The following POLR1E variants were observed in gnomAD, a reference collection of about 807,000 sequenced individuals.
POLR1E encodes RNA polymerase I subunit E, also known as DNA-directed RNA polymerase I subunit RPA49.
Under a neutral mutation model 50.9 loss-of-function variants are expected in POLR1E, and 37 were observed. The ratio of observed to expected loss-of-function variants is 0.73; its 90% CI spans 0.56 to 0.96. The LOEUF (loss-of-function observed/expected upper bound fraction) is 0.96, where lower values mean the gene tolerates loss of function less well. POLR1E is among the 40% of genes least tolerant of loss of function. The pLI is 0.00. For synonymous variants in POLR1E, 166 were observed against 191.6 expected (o/e 0.87, Z 1.10); for missense variants, 426 against 518.1 (o/e 0.82, Z 1.73).
At chr9:37,486,615 C>G in intron 1 of POLR1E, 88 bp from the exon 2 acceptor site, 1 of 1,614,048 alleles carries the variant, frequency 6.2e-7, no homozygotes, top group South Asian at 1.1e-5. Context: ...GACACTCCCT[C>G]CCAGTGACAG....
rs954565919 is a variant in POLR1E, at chr9:37,500,746, G to A, written c.887-94G>A. ...TTACCACCTGGTTCTGGTCATTGCAGTGGCCCAGCTGTTGGCCTTTTCTCT... is the reference window on the plus strand; with the variant it reads ...TTACCACCTGGTTCTGGTCATTGCAATGGCCCAGCTGTTGGCCTTTTCTCT... On this transcript the variant is annotated intron_variant, in intron 9 of 11. Coordinates refer to ENST00000377798, the MANE Select transcript of POLR1E (RefSeq NM_022490.4). 3 of 927,840 alleles carry A rather than the reference G, an allele frequency of 3.2e-6. No individual in the cohort carries two copies. The African/African-American group carries it at 4.9e-5, about 15-fold the overall frequency. 57.5% of individuals were successfully genotyped at this position (927,840 alleles called of 1,614,324 possible).
rs560656244 is a variant in POLR1E at position 37,491,021 on chromosome 9, T to C, written c.343+1621T>C. On this transcript the variant is annotated intron_variant, in intron 4 of 11. Coordinates refer to ENST00000377798, the MANE Select transcript of POLR1E (RefSeq NM_022490.4). ...AAAGGAAATTGCTTATTAAGTTGTA[T>C]AGTAACTTTCACGTTGAGGACAAGT... 11 of 270,196 alleles carry C rather than the reference T, an allele frequency of 4.1e-5. No individual in the cohort carries two copies. The Admixed American group carries it at 4.7e-4, about 12-fold the overall frequency. 16.7% of individuals were successfully genotyped at this position (270,196 alleles called of 1,614,324 possible).
At chr9:37,496,628 T>C (rs951620094) in intron 8 of POLR1E, among the ~76,000 whole-genome samples, 1 of 86,446 alleles carries the variant, frequency 1.2e-5, no homozygotes, top group Non-Finnish European at 2.5e-5. Flanking sequence ...TATTTCTTTT[T>C]TTTTTTTTTT....
rs895913522 is a variant in POLR1E, at chr9:37,490,927, C to T, written c.343+1527C>T. 34 of 448,634 alleles carry T rather than the reference C, an allele frequency of 7.6e-5. 1 individual carries two copies. Among genetic ancestry groups the T allele is most frequent in the East Asian group, 6.3e-4 (12 of 18,912 alleles). The allele number at this position is 448,634 out of a possible 1,614,324, so 27.8% of individuals were successfully genotyped here. A position where few individuals can be genotyped will look rare whatever the true frequency, so the allele number is the denominator to read the frequency against. On this transcript the variant is annotated intron_variant, in intron 4 of 11. Coordinates refer to ENST00000377798, the MANE Select transcript of POLR1E (RefSeq NM_022490.4). ...ATTACTGCAAGATGGCAGTTCTGGCCGAAAGGGTTCTTTCTTAATTCTTAA... is the reference window on the plus strand; with the variant it reads ...ATTACTGCAAGATGGCAGTTCTGGCTGAAAGGGTTCTTTCTTAATTCTTAA...
chr9:37,490,172 C>T (rs1267851198), intron 4 of POLR1E, among the ~76,000 whole-genome samples: 1 of 152,122 alleles, frequency 6.6e-6, no homozygotes. Context: ...ATCTTCAAAC[C>T]AGTACAAATA....
intron 8 of POLR1E, among the ~76,000 whole-genome samples, chr9:37,497,046 A>G (rs968474723): frequency 6.6e-6 from 1 of 152,168 alleles, no homozygotes; most frequent in Non-Finnish European, 1.5e-5. Flanking sequence ...TGGAGAAACC[A>G]GGGCACCAGA....
Position 37,486,139 on chromosome 9 carries a change from C to G in POLR1E, c.76+16C>G. The G allele has an allele frequency of 6.3e-7, 1 of 1,583,446 alleles. No homozygotes were observed. The highest frequency in any genetic ancestry group is 8.6e-7 in the Non-Finnish European group (1 of 1,166,208). On this transcript the variant is annotated intron_variant, in intron 1 of 11. Coordinates refer to ENST00000377798, the MANE Select transcript of POLR1E (RefSeq NM_022490.4). ...GCTGTACTGGGTAAAGACTGCGGAG[C>G]TGGAGCAGTGCTCCTCTAACCCTCT...
At position 37,486,742 on chromosome 9, in the gene POLR1E, T is replaced by G. The variant is rs1241861736; in HGVS notation, c.116T>G (p.Met39Arg). ...GGGAAGCTACAGAGTCCAGGCAACATGCGCTTTACCTTGTATGAGAACAAA... is the reference window on the plus strand; with the variant it reads ...GGGAAGCTACAGAGTCCAGGCAACAGGCGCTTTACCTTGTATGAGAACAAA... ...SNGKLQSPGN[M>R]RFTLYENKDS... The change falls in exon 2 of 12, where the codon ATG becomes AGG. Residue 39 changes from methionine to arginine, a missense_variant. Transcript: ENST00000377798. 1.9e-6 allele frequency: 3 copies of G among 1,614,190 alleles called. No homozygotes were observed. Among genetic ancestry groups the G allele is most frequent in the Non-Finnish European group, 2.5e-6 (3 of 1,180,036 alleles).
At chr9:37,488,270 G>A (rs1820613673) in intron 3 of POLR1E, among the ~76,000 whole-genome samples, 1 of 152,178 alleles carries the variant, frequency 6.6e-6, no homozygotes, top group South Asian at 2.1e-4. Flanking sequence ...GGGAACTAAC[G>A]ACAGGTAAAG....
In POLR1E at chr9:37,500,912, A is replaced by G; in HGVS notation, c.959A>G (p.Asn320Ser). 6.2e-7 allele frequency: 1 copy of G among 1,612,842 alleles called. No homozygotes were observed. Among genetic ancestry groups the G allele is most frequent in the East Asian group, 2.2e-5 (1 of 44,864 alleles). The stretch of plus-strand genomic sequence containing the variant: ...AAGCACTTTACTTGCTTGACCTACA[A>G]CAATGGCAGGTCAGGGGGTGGTTGC... ...LLKHFTCLTY[N>S]NGRLRNLISD... The change falls in exon 10 of 12, where the codon AAC becomes AGC. Residue 320 changes from asparagine to serine, a missense_variant. Coordinates refer to ENST00000377798, the MANE Select transcript of POLR1E (RefSeq NM_022490.4).
intron 8 of POLR1E, among the ~76,000 whole-genome samples, chr9:37,496,623 CTT>C (rs376455174): frequency 9.8e-5 from 11 of 112,492 alleles, no homozygotes; most frequent in Non-Finnish European, 1.1e-4. Context: ...ATTATTATTT[CTT>C]TTTTTTTTTT....
intron 2 of POLR1E, 104 bp downstream of exon 2, chr9:37,486,910 G>A (rs953421515): frequency 1.5e-6 from 2 of 1,363,734 alleles, no homozygotes; most frequent in Admixed American, 2.5e-5. Context: ...GGGAGTAGTA[G>A]CAAATGGAGC....
chr9:37,495,307 A>G, intron 7 of POLR1E, 31 bp downstream of exon 7: 1 of 1,550,794 alleles, frequency 6.4e-7, no homozygotes, highest in Non-Finnish European at 8.9e-7. Flanking sequence ...AAGCTGCCTT[A>G]TTTCACAAGT....
At chr9:37,495,448 T>G (rs977364776) in intron 7 of POLR1E, among the ~76,000 whole-genome samples, 172 bp downstream of exon 7, 1 of 152,172 alleles carries the variant, frequency 6.6e-6, no homozygotes, top group Non-Finnish European at 1.5e-5. Context: ...GCTTCCTCAC[T>G]AGCTGAGGGA....
chr9:37,495,106 A>T (rs1219229485), intron 6 of POLR1E, 63 bp from the exon 7 acceptor site: 1 of 1,385,696 alleles, frequency 7.2e-7, no homozygotes, highest in Non-Finnish European at 1.0e-6. Flanking sequence ...GCACAGACTG[A>T]AAAGAATGTT....
In POLR1E at chr9:37,486,817, C is replaced by A. The variant is rs1182647622; in HGVS notation, c.180+11C>A. On this transcript the variant is annotated intron_variant, in intron 2 of 11. Coordinates refer to ENST00000377798, the MANE Select transcript of POLR1E (RefSeq NM_022490.4). ...AATCAACGGATCCTGGTAAGTGAAG[C>A]AGTTGCCAGCTGTCTCCACTCTGCA... The A allele has an allele frequency of 6.2e-7, 1 of 1,600,378 alleles. No individual in the cohort carries two copies. Among genetic ancestry groups the A allele is most frequent in the South Asian group, 1.1e-5 (1 of 89,390 alleles).
rs1588809093 is a variant in POLR1E, at chr9:37,503,040, T to C, written c.1101-3T>C. 6.2e-7 allele frequency: 1 copy of C among 1,609,492 alleles called. No homozygotes were observed. The highest frequency in any genetic ancestry group is 2.2e-5 in the East Asian group (1 of 44,822). On this transcript the variant is annotated splice_region_variant and splice_polypyrimidine_tract_variant and intron_variant, in intron 11 of 11. Transcript: ENST00000377798. ...CCAGTTCTTCTGTTTATGTCTTCCT[T>C]AGGATGATGGAGATAGCCAAAGCCA...
chr9:37,492,275 CT>C (rs1820699099), intron 4 of POLR1E: 1 of 1,291,232 alleles, frequency 7.7e-7, no homozygotes, highest in African/African-American at 1.5e-5. Context: ...TTTATGCCTG[CT>C]TTTAGGTCTT....
intron 7 of POLR1E, among the ~76,000 whole-genome samples, chr9:37,495,583 G>C (rs1457373506): frequency 6.6e-6 from 1 of 152,206 alleles, no homozygotes; most frequent in Non-Finnish European, 1.5e-5. Flanking sequence ...CCAAAGTCTA[G>C]GGCAGACCAC....
Sources: gnomAD v4.1 joint callset for allele counts (sites outside exome capture counted in the v4.1 genomes callset) on GRCh38, gnomAD v4.1.1 for gene constraint, MANE v1.5 for transcripts, NCBI Gene and HGNC (gene_info 2026-07-23, HGNC 2026-07-21) for gene names.